The following ACSL6 variants were observed in gnomAD, a reference collection of about 807,000 sequenced individuals.
The protein encoded by ACSL6 is acyl-CoA synthetase long chain family member 6, also known as long-chain-fatty-acid--CoA ligase 6.
A neutral mutation model predicts 98.2 loss-of-function variants in ACSL6; 47 were observed. The observed-to-expected ratio is 0.48, with a 90% CI of 0.38 to 0.61. The LOEUF is 0.61. Ranked by LOEUF, ACSL6 falls within the 20% of genes least tolerant of loss-of-function variation. ACSL6 has a pLI of 0.00. For synonymous variants in ACSL6, 362 were observed against 336.9 expected, an observed-to-expected ratio of 1.07 and a Z score of -0.82; for missense variants, 761 against 913.4, an observed-to-expected ratio of 0.83 and a Z score of 2.15.
At chr5:131,954,925 T>G (rs1752319776) in intron 20 of ACSL6, among the ~76,000 whole-genome samples, 1 of 152,138 alleles carries the variant, frequency 6.6e-6, no homozygotes, top group Admixed American at 6.5e-5. Context: ...AAAAGGGAAC[T>G]CTAAGTGGTT....
chr5:131,976,071 T>C (rs1315335943), intron 10 of ACSL6: 21 of 985,372 alleles, frequency 2.1e-5, no homozygotes, highest in Non-Finnish European at 2.5e-5. Context: ...TGAAGGAAAC[T>C]GCAGGACATA....
rs1752254475 is a variant in ACSL6 at position 131,953,581 on chromosome 5, G to A, written c.*653C>T. The A allele has an allele frequency of 5.3e-6, 1 of 188,268 alleles. No individual in the cohort carries two copies. The highest frequency in any genetic ancestry group is 2.0e-4 in the South Asian group (1 of 5,124). The allele number at this position is 188,268 out of a possible 1,614,324, so 11.7% of individuals were successfully genotyped here. On this transcript the variant is annotated 3_prime_UTR_variant, in exon 21 of 21. Coordinates refer to ENST00000651883, the MANE Select transcript of ACSL6 (RefSeq NM_001009185.3). ...GATTAAGCCACTGCACTCCAGCCTAGGTGACAGAGCAGACCCTGTCTCAAA... is the reference window on the plus strand; with the variant it reads ...GATTAAGCCACTGCACTCCAGCCTAAGTGACAGAGCAGACCCTGTCTCAAA...
In ACSL6 at chr5:131,989,600, T is replaced by C. The variant is rs1580677977; in HGVS notation, c.451-92A>G. The C allele has an allele frequency of 4.1e-6, 4 of 978,994 alleles. No homozygotes were observed. In the East Asian group the frequency reaches 1.1e-4, roughly 27 times the overall value. The allele number at this position is 978,994 out of a possible 1,614,324, so 60.6% of individuals were successfully genotyped here. On this transcript the variant is annotated intron_variant, in intron 4 of 20. Coordinates refer to ENST00000651883, the MANE Select transcript of ACSL6 (RefSeq NM_001009185.3). ...GAGGAATTCTTTTTTTTTTTTTTTT[T>C]TTTTTTTTTTTTTGAGATGGAGTCT...
intron 1 of ACSL6, chr5:132,001,878 C>T (rs1755102790): frequency 6.6e-6 from 1 of 152,152 alleles, no homozygotes; most frequent in Non-Finnish European, 1.5e-5. Flanking sequence ...CAGGCACAAA[C>T]AATGCTTTCA....
At chr5:131,959,440 G>A in intron 20 of ACSL6, 96 bp downstream of exon 20, 1 of 1,368,496 alleles carries the variant, frequency 7.3e-7, no homozygotes, top group Non-Finnish European at 1.0e-6. Context: ...GCCACACCAT[G>A]AAAAGTCAGG....
chr5:131,990,469 G>C (rs1754445140), intron 3 of ACSL6, among the ~76,000 whole-genome samples: 1 of 152,164 alleles, frequency 6.6e-6, no homozygotes, highest in Non-Finnish European at 1.5e-5. Context: ...CAGACACCTG[G>C]GGACCACTGG....
chr5:131,988,758 G>T, intron 6 of ACSL6, 47 bp downstream of exon 6: 1 of 1,593,102 alleles, frequency 6.3e-7, no homozygotes, highest in Non-Finnish European at 8.6e-7. Flanking sequence ...GAGGCTGGAG[G>T]CTGGGGACCA....
chr5:131,959,083 G>C (rs899648649), intron 20 of ACSL6, among the ~76,000 whole-genome samples: 5 of 151,818 alleles, frequency 3.3e-5, no homozygotes, highest in Admixed American at 1.3e-4. Context: ...AAAGCATTCT[G>C]TTTCCTCCTC....
chr5:131,979,671 C>T (rs995693787), intron 9 of ACSL6, among the ~76,000 whole-genome samples: 4 of 152,066 alleles, frequency 2.6e-5, no homozygotes, highest in Non-Finnish European at 5.9e-5. Flanking sequence ...ACATGTGGTC[C>T]CAAAGGGTGA....
Position 131,989,305 on chromosome 5 carries a change from T to C in ACSL6, c.552+102A>G, listed in dbSNP as rs1011225464. 5.2e-6 allele frequency: 6 copies of C among 1,148,182 alleles called. No individual in the cohort carries two copies. The Middle Eastern group carries it at 8.2e-4, about 156-fold the overall frequency. 71.1% of individuals were successfully genotyped at this position (1,148,182 alleles called of 1,614,324 possible). On this transcript the variant is annotated intron_variant, in intron 5 of 20. Coordinates refer to ENST00000651883, the MANE Select transcript of ACSL6 (RefSeq NM_001009185.3). ...GCATAGCCCAAGGGTCTCTGTTTTT[T>C]CTTTTGTCCTGGGCCCTACAAACAG... is the stretch of plus-strand genomic sequence containing the variant.
intron 20 of ACSL6, among the ~76,000 whole-genome samples, chr5:131,955,343 A>G (rs1468584402): frequency 6.6e-6 from 1 of 152,248 alleles, no homozygotes; most frequent in East Asian, 1.9e-4. Flanking sequence ...TTGACATTCA[A>G]AGAAGCACAG....
chr5:132,011,684 C>T (rs1025411015), upstream of ACSL6: 30 of 1,269,332 alleles, frequency 2.4e-5, no homozygotes, highest in East Asian at 3.1e-5. The surrounding 1 kb of genome is among the most constrained non-coding windows in gnomAD (Gnocchi z 5.4). Context: ...CCCCCGCCCT[C>T]CGGCCCCGCA....
At chr5:131,975,141 T>TGAGAGA (rs1244461849) in intron 10 of ACSL6, 171 bp from the exon 11 acceptor site, 1 of 1,333,628 alleles carries the variant, frequency 7.5e-7, no homozygotes, top group African/African-American at 1.6e-5. Flanking sequence ...AGAGAAGAAA[T>TGAGAGA]GAGAGAGAGA....
chr5:131,981,338 A>C (rs534975418), intron 9 of ACSL6, among the ~76,000 whole-genome samples: 14 of 152,026 alleles, frequency 9.2e-5, no homozygotes, highest in East Asian at 5.8e-4. Context: ...AAAAAAAAAA[A>C]AAAAAAACAC....
chr5:131,959,589 A>G lies in ACSL6; in HGVS notation c.1978T>C (p.Leu660=). The change falls in exon 20 of 21, where the codon TTG becomes CTG. Residue 660 remains leucine (L), a synonymous_variant. Coordinates refer to ENST00000651883, the MANE Select transcript of ACSL6 (RefSeq NM_001009185.3). ...TTTCCTAACCTCACCATATCTTCCA[A>G]AATGGCTTTCTTCAGATCCTGAATC... is the stretch of plus-strand genomic sequence containing the variant. ...CTNKDLKKAI[L]EDMVRLGKES... The G allele has an allele frequency of 6.2e-7, 1 of 1,614,230 alleles. No individual in the cohort carries two copies. Among genetic ancestry groups the G allele is most frequent in the Non-Finnish European group, 8.5e-7 (1 of 1,180,044 alleles).
intron 9 of ACSL6, among the ~76,000 whole-genome samples, chr5:131,978,076 C>T (rs533000529): frequency 6.6e-6 from 1 of 152,344 alleles, no homozygotes; most frequent in South Asian, 2.1e-4. Context: ...ATGAAGAAGA[C>T]TGTGGTTGTA....
intron 1 of ACSL6, among the ~76,000 whole-genome samples, chr5:132,005,057 C>A (rs1424217512): frequency 6.6e-6 from 1 of 152,074 alleles, no homozygotes; most frequent in East Asian, 1.9e-4. Context: ...GAGGCTGAGG[C>A]AGGAGAATCA....
intron 20 of ACSL6, among the ~76,000 whole-genome samples, chr5:131,956,740 T>A (rs1411276155): frequency 1.3e-5 from 2 of 152,200 alleles, no homozygotes; most frequent in Admixed American, 1.3e-4. Context: ...TGTTCATTTT[T>A]TATAATAATT....
intron 9 of ACSL6, chr5:131,982,570 T>C (rs1373493097): frequency 6.6e-6 from 1 of 152,430 alleles, no homozygotes; most frequent in Non-Finnish European, 1.5e-5. Flanking sequence ...CTGACCTCTA[T>C]TGGGAACTCC....
Sources: gnomAD v4.1 joint callset for allele counts (sites outside exome capture counted in the v4.1 genomes callset) on GRCh38, gnomAD v4.1.1 for gene constraint, Gnocchi (gnomAD v3.1) non-coding constraint, MANE v1.5 for transcripts, NCBI Gene and HGNC (gene_info 2026-07-23, HGNC 2026-07-21) for gene names.